SERINC1: variants seen among roughly 807,000 people sequenced by gnomAD.
The protein encoded by SERINC1 is tumor differentially expressed protein 2.
Under a neutral mutation model 52.9 loss-of-function variants are expected in SERINC1, and 38 were observed. The ratio of observed to expected loss-of-function variants is 0.72; its 90% confidence interval spans 0.55 to 0.94. The LOEUF is 0.94. Ranked by LOEUF, SERINC1 falls within the 40% of genes least tolerant of loss-of-function variation. The pLI, the probability that SERINC1 is intolerant of heterozygous loss-of-function variation, is 0.00. For missense variants in SERINC1, 471 were observed against 533.9 expected, an observed-to-expected ratio of 0.88 and a Z score of 1.16; for synonymous variants, 198 against 183.1, an observed-to-expected ratio of 1.08 and a Z score of -0.66.
chr6:122,451,149 T>C (rs1020834395), intron 7 of SERINC1, among the ~76,000 whole-genome samples: 2 of 152,234 alleles, frequency 1.3e-5, no homozygotes, highest in Middle Eastern at 3.4e-3. Context: ...AGTTTAAAGA[T>C]ACTAAAACAG....
At chr6:122,452,506 T>C (rs1774929264) in intron 5 of SERINC1, among the ~76,000 whole-genome samples, 2 of 152,218 alleles carry the variant, frequency 1.3e-5, no homozygotes, top group East Asian at 3.9e-4. Flanking sequence ...ATGATGCTTT[T>C]CCTCATGAAC....
At position 122,446,105 on chromosome 6, in the gene SERINC1, A is replaced by G. The variant is rs571938915; in HGVS notation, c.1226+669T>C. On this transcript the variant is annotated intron_variant, in intron 9 of 9. Transcript: ENST00000339697. ...GCATTAAAAAGTTATTAAAAACAGA[A>G]CTTCCCAAACCACATAGTTCAATTT... Among the ~76,000 whole-genome samples, 65 of 152,146 alleles carry G rather than the reference A, an allele frequency of 4.3e-4. No individual in the cohort carries two copies. The South Asian group carries it at 7.3e-3, about 17-fold the overall frequency.
At chr6:122,466,527 T>G (rs1582638148) in intron 1 of SERINC1, among the ~76,000 whole-genome samples, 1 of 152,130 alleles carries the variant, frequency 6.6e-6, no homozygotes, top group Non-Finnish European at 1.5e-5. Flanking sequence ...TTGTATTTTT[T>G]GTATAGACAG....
chr6:122,452,733 C>T lies in SERINC1; in HGVS notation c.590-676G>A, dbSNP rs576188418. Among the ~76,000 whole-genome samples the T allele has an allele frequency of 2.6e-5, 4 of 152,202 alleles. No homozygotes were observed. The South Asian group carries it at 8.3e-4, about 32-fold the overall frequency. On this transcript the variant is annotated intron_variant, in intron 5 of 9. Coordinates refer to ENST00000339697, the MANE Select transcript of SERINC1 (RefSeq NM_020755.4). ...TGCATTCCAGGCCCTGGGGATACAG[C>T]AGGGAACAAAAGACACAGAAACCCT...
At chr6:122,460,592 T>A (rs562931003) in intron 1 of SERINC1, among the ~76,000 whole-genome samples, 43 of 152,270 alleles carry the variant, frequency 2.8e-4, no homozygotes, top group African/African-American at 1.0e-3. Context: ...TGTCTCTAAG[T>A]AAAATCACCC....
At position 122,471,777 on chromosome 6, in the gene SERINC1, G is replaced by C; in HGVS notation, c.-40C>G. 1.2e-6 allele frequency: 2 copies of C among 1,613,392 alleles called. No homozygotes were observed. The highest frequency in any genetic ancestry group is 1.7e-6 in the Non-Finnish European group (2 of 1,179,746). On this transcript the variant is annotated 5_prime_UTR_variant, in exon 1 of 10. Transcript: ENST00000339697. ...AAGAGCAGCGGATACAGACAAGATG[G>C]AGACAGCTTCTTTCTCGCCTTTCCG...
rs1210159717 is a variant in SERINC1 at position 122,451,986 on chromosome 6, TGTA to T, written c.658_660del (p.Tyr220del). On this transcript the variant is annotated inframe_deletion, in exon 6 of 10. Transcript: ENST00000339697. The stretch of plus-strand genomic sequence containing the variant: ...TTTTCTGAACAACTGGCTGGATGAG[TGTA>T]GTAGACAAAGAACAGGACGATAGCA... 3 of 1,597,684 alleles carry T rather than the reference TGTA, an allele frequency of 1.9e-6. No individual in the cohort carries two copies. The highest frequency in any genetic ancestry group is 2.6e-6 in the Non-Finnish European group (3 of 1,172,702).
At chr6:122,457,294 TTAAG>T (rs1261059876) in intron 2 of SERINC1, among the ~76,000 whole-genome samples, 25 of 152,200 alleles carry the variant, frequency 1.6e-4, no homozygotes, top group African/African-American at 5.8e-4. Context: ...ACTAACTCCC[TTAAG>T]TAAGAGATTT....
chr6:122,449,735 G>C (rs1297932459), intron 7 of SERINC1, among the ~76,000 whole-genome samples: 1 of 152,212 alleles, frequency 6.6e-6, no homozygotes, highest in Admixed American at 6.5e-5. Flanking sequence ...TAGCTACACT[G>C]GTCAGGCATG....
intron 1 of SERINC1, among the ~76,000 whole-genome samples, chr6:122,462,851 A>C (rs1379878587): frequency 1.3e-5 from 2 of 152,214 alleles, no homozygotes; most frequent in Non-Finnish European, 2.9e-5. Context: ...GAATGGCAAA[A>C]TATACAGAGT....
At chr6:122,462,345 A>T (rs952396426) in intron 1 of SERINC1, among the ~76,000 whole-genome samples, 1 of 152,200 alleles carries the variant, frequency 6.6e-6, no homozygotes, top group Non-Finnish European at 1.5e-5. Context: ...TTTGAATTCA[A>T]CTTCACACTG....
At chr6:122,464,914 G>A (rs1418414130) in intron 1 of SERINC1, among the ~76,000 whole-genome samples, 1 of 151,886 alleles carries the variant, frequency 6.6e-6, no homozygotes, top group Non-Finnish European at 1.5e-5. Flanking sequence ...TAAGATAATG[G>A]CAACATAAAA....
intron 1 of SERINC1, among the ~76,000 whole-genome samples, chr6:122,470,791 G>T (rs1775277308): frequency 6.6e-6 from 1 of 152,050 alleles, no homozygotes; most frequent in Non-Finnish European, 1.5e-5. Flanking sequence ...AAAGAAAAGT[G>T]ATTTGAGTCC....
At chr6:122,459,784 G>A (rs1775068091) in intron 1 of SERINC1, among the ~76,000 whole-genome samples, 1 of 151,972 alleles carries the variant, frequency 6.6e-6, no homozygotes, top group Non-Finnish European at 1.5e-5. Context: ...GAACACAATG[G>A]AAAGTGGAAA....
rs1288205289 is a variant in SERINC1, at chr6:122,444,472, T to G, written c.*572A>C. ...TCTCTACCCAAGTAAGATTATTTAC[T>G]CGTTATTCAATTTAGTACCGACACC... is the stretch of plus-strand genomic sequence containing the variant. On this transcript the variant is annotated 3_prime_UTR_variant, in exon 10 of 10. Coordinates refer to ENST00000339697, the MANE Select transcript of SERINC1 (RefSeq NM_020755.4). The G allele has an allele frequency of 6.6e-6, 1 of 152,298 alleles. No homozygotes were observed. The highest frequency in any genetic ancestry group is 1.5e-5 in the Non-Finnish European group (1 of 68,100). The allele number at this position is 152,298 out of a possible 1,614,324, so 9.4% of individuals were successfully genotyped here.
intron 7 of SERINC1, among the ~76,000 whole-genome samples, chr6:122,448,181 G>A (rs908635807): frequency 2.0e-5 from 3 of 150,616 alleles, no homozygotes; most frequent in Admixed American, 6.6e-5. Context: ...CTCCTGCAAA[G>A]CCAGATCTGT....
In SERINC1 at chr6:122,447,545, A is replaced by T. The variant is rs148798725; in HGVS notation, c.851-280T>A. Among the ~76,000 whole-genome samples, 62 of 152,350 alleles carry T rather than the reference A, an allele frequency of 4.1e-4. 1 individual carries two copies. The highest frequency in any genetic ancestry group is 1.3e-3 in the African/African-American group (54 of 41,578). On this transcript the variant is annotated intron_variant, in intron 7 of 9. Coordinates refer to ENST00000339697, the MANE Select transcript of SERINC1 (RefSeq NM_020755.4). ...AGATAATTACCTCTACAATCAGGAA[A>T]GAGGTGAAATATAGATGAACTTTCT... is the stretch of plus-strand genomic sequence containing the variant.
rs1456260839 is a variant in SERINC1, at chr6:122,471,747, G to A, written c.-10C>T. The A allele has an allele frequency of 1.9e-6, 3 of 1,613,932 alleles. No individual in the cohort carries two copies. Among genetic ancestry groups the A allele is most frequent in the African/African-American group, 1.3e-5 (1 of 74,920 alleles). On this transcript the variant is annotated 5_prime_UTR_variant, in exon 1 of 10. The change creates a new upstream start codon in the 5' untranslated region. Transcript: ENST00000339697. ...CCAGGACGCTCCCCATCTCCACAAC[G>A]TCACAAGAGCAGCGGATACAGACAA... is the stretch of plus-strand genomic sequence containing the variant.
At position 122,445,032 on chromosome 6, in the gene SERINC1, T is replaced by G; in HGVS notation, c.*12A>C. On this transcript the variant is annotated 3_prime_UTR_variant, in exon 10 of 10. Transcript: ENST00000339697. The stretch of plus-strand genomic sequence containing the variant: ...AATAATCAAAGTGGGACTTTCATGC[T>G]AGAAGTCTCACTCAGTCAAAATCAC... 1 of 1,608,606 alleles carries G rather than the reference T, an allele frequency of 6.2e-7. No homozygotes were observed.
Sources: gnomAD v4.1 joint callset for allele counts (sites outside exome capture counted in the v4.1 genomes callset) on GRCh38, gnomAD v4.1.1 for gene constraint, MANE v1.5 for transcripts, NCBI Gene and HGNC (gene_info 2026-07-23, HGNC 2026-07-21) for gene names.